The following INVS variants were observed in gnomAD, a reference collection of about 807,000 sequenced individuals.
The protein encoded by INVS is inversion of embryo turning homolog.
A neutral mutation model predicts 108.8 loss-of-function variants in INVS; 86 were observed. The observed-to-expected ratio is 0.79, with a 90% CI of 0.66 to 0.95. The LOEUF (loss-of-function observed/expected upper bound fraction) is 0.95, where lower values mean the gene tolerates loss of function less well. INVS is among the 40% of genes least tolerant of loss of function. The pLI is 0.00. For missense variants in INVS, 1,169 were observed against 1,297.4 expected (o/e 0.90, Z 1.52); for synonymous variants, 455 against 473.5 (o/e 0.96, Z 0.51).
chr9:100,222,201 T>G (rs879550365), intron 3 of INVS, among the ~76,000 whole-genome samples: 5 of 152,226 alleles, frequency 3.3e-5, no homozygotes, highest in Admixed American at 3.3e-4. Context: ...TACTACACAC[T>G]GGAAAACTAT....
intron 3 of INVS, among the ~76,000 whole-genome samples, chr9:100,198,411 C>T (rs544740346): frequency 3.3e-5 from 5 of 150,022 alleles, no homozygotes; most frequent in African/African-American, 1.2e-4. Flanking sequence ...GATTCTCCTG[C>T]CTCCAAAGTA....
chr9:100,275,659 T>A (rs889979684), intron 12 of INVS, among the ~76,000 whole-genome samples: 10 of 152,166 alleles, frequency 6.6e-5, no homozygotes, highest in Non-Finnish European at 1.3e-4. Context: ...CCTTTCCCAG[T>A]TTATTATGTT....
chr9:100,224,337 C>T (rs1169688975), intron 3 of INVS, among the ~76,000 whole-genome samples: 1 of 152,170 alleles, frequency 6.6e-6, no homozygotes, highest in Non-Finnish European at 1.5e-5. Context: ...TCCTGCCTGC[C>T]ATTATCCTCT....
intron 12 of INVS, among the ~76,000 whole-genome samples, chr9:100,276,727 T>G (rs1431632647): frequency 2.0e-5 from 3 of 152,210 alleles, no homozygotes; most frequent in South Asian, 4.1e-4. Context: ...TAGGCTGGTG[T>G]CAAACTCCTG....
intron 12 of INVS, among the ~76,000 whole-genome samples, chr9:100,281,236 A>G (rs1279640750): frequency 1.3e-5 from 2 of 152,228 alleles, no homozygotes; most frequent in African/African-American, 2.4e-5. Context: ...GTAGTTTACC[A>G]TGCAGCCTTG....
intron 2 of INVS, chr9:100,117,091 A>C: frequency 8.4e-7 from 1 of 1,192,964 alleles, no homozygotes; most frequent in East Asian, 2.5e-5. Flanking sequence ...TCACCTTGCA[A>C]GGGACGGTGT....
rs1408018490 is a variant in INVS at position 100,292,497 on chromosome 9, G to A, written c.2240G>A (p.Cys747Tyr). 2 of 1,614,182 alleles carry A rather than the reference G, an allele frequency of 1.2e-6. No individual in the cohort carries two copies. The highest frequency in any genetic ancestry group is 2.2e-5 in the East Asian group (1 of 44,876). Residue 747 changes from cysteine (C) to tyrosine (Y), a missense_variant, in exon 14 of 17, where the codon TGT (cysteine) becomes TAT (tyrosine). Cys to Tyr is a radical substitution (Grantham distance 194, BLOSUM62 -2). Coordinates refer to ENST00000262457, the MANE Select transcript of INVS (RefSeq NM_014425.5). ...KGKGFVKQPS[C>Y]IRVAGPDEKG... The stretch of plus-strand genomic sequence containing the variant: ...AAAGGCTTCGTGAAGCAGCCCTCCT[G>A]TATCAGGGTGGCTGGGCCTGATGAG...
intron 3 of INVS, chr9:100,131,014 T>G (rs1828040822): frequency 6.6e-6 from 1 of 152,198 alleles, no homozygotes; most frequent in South Asian, 2.1e-4. Flanking sequence ...TTTTTGTGTG[T>G]GTGTGATAGT....
At chr9:100,277,164 C>A (rs1306170996) in intron 12 of INVS, among the ~76,000 whole-genome samples, 1 of 152,212 alleles carries the variant, frequency 6.6e-6, no homozygotes, top group African/African-American at 2.4e-5. Context: ...CTCTGTCTAG[C>A]AAAAGTTCTT....
At chr9:100,198,715 C>A (rs1245839413) in intron 3 of INVS, among the ~76,000 whole-genome samples, 1 of 151,836 alleles carries the variant, frequency 6.6e-6, no homozygotes, top group Non-Finnish European at 1.5e-5. Flanking sequence ...GCCTCAGCCT[C>A]CCGTGTAGCT....
intron 3 of INVS, among the ~76,000 whole-genome samples, chr9:100,214,326 GGC>G (rs1416689091): frequency 6.6e-6 from 1 of 152,142 alleles, no homozygotes; most frequent in Non-Finnish European, 1.5e-5. Flanking sequence ...AGTTACAGGA[GGC>G]GCTAGATTAC....
At chr9:100,134,809 T>A (rs1432894389) in intron 3 of INVS, among the ~76,000 whole-genome samples, 1 of 152,216 alleles carries the variant, frequency 6.6e-6, no homozygotes, top group Non-Finnish European at 1.5e-5. Context: ...AATGAGTAGC[T>A]AAATTGTGAT....
rs139158162 is a variant in INVS, at chr9:100,245,373, G to A, written c.907-1243G>A. On this transcript the variant is annotated intron_variant, in intron 7 of 16. Transcript: ENST00000262457. ...CGGCTCACTGCAACCTCCGTCTCCC[G>A]GGTTCAATCAATTCCCCTGCCTCAA... Among the ~76,000 whole-genome samples, 4 of 152,166 alleles carry A rather than the reference G, an allele frequency of 2.6e-5. No individual in the cohort carries two copies. In the East Asian group the frequency reaches 5.8e-4, roughly 22 times the overall value.
intron 3 of INVS, among the ~76,000 whole-genome samples, chr9:100,208,415 C>T (rs1830737745): frequency 6.6e-6 from 1 of 152,180 alleles, no homozygotes; most frequent in Non-Finnish European, 1.5e-5. Flanking sequence ...TTAGTATAAT[C>T]GAATTTACTT....
chr9:100,185,588 GT>G (rs1377687311), intron 3 of INVS, among the ~76,000 whole-genome samples: 24 of 136,802 alleles, frequency 1.8e-4, no homozygotes, highest in Non-Finnish European at 3.2e-4. Context: ...AGTGCAAGTG[GT>G]TTTTGGTTAC....
Position 100,229,698 on chromosome 9 carries a change from T to G in INVS, c.486T>G (p.Pro162=), listed in dbSNP as rs1396770993. 1.9e-6 allele frequency: 3 copies of G among 1,614,132 alleles called. No individual in the cohort carries two copies. Among genetic ancestry groups the G allele is most frequent in the Non-Finnish European group, 1.7e-6 (2 of 1,180,000 alleles). The change falls in exon 5 of 17, where the codon CCT becomes CCG. Residue 162 remains proline, a synonymous_variant. Coordinates refer to ENST00000262457, the MANE Select transcript of INVS (RefSeq NM_014425.5). ...ALHWSAYYNN[P]EHVKLLIKHD... is the part of the protein sequence containing the mutation. ...ATTGGAGTGCCTACTACAATAACCC[T>G]GAGCATGTGAAGCTGCTCATCAAGC...
intron 2 of INVS, among the ~76,000 whole-genome samples, chr9:100,114,144 T>C (rs1460565486): frequency 6.6e-6 from 1 of 152,204 alleles, no homozygotes; most frequent in Admixed American, 6.5e-5. Flanking sequence ...CCCTTGTTCG[T>C]ATACAGTTAT....
At chr9:100,168,491 T>G (rs1284557109) in intron 3 of INVS, among the ~76,000 whole-genome samples, 2 of 152,222 alleles carry the variant, frequency 1.3e-5, no homozygotes, top group Non-Finnish European at 2.9e-5. Flanking sequence ...CAGAGCAGCC[T>G]CGACAGGGAA....
At chr9:100,179,247 C>G (rs1240481938) in intron 3 of INVS, among the ~76,000 whole-genome samples, 1 of 152,082 alleles carries the variant, frequency 6.6e-6, no homozygotes, top group East Asian at 1.9e-4. Flanking sequence ...GCAAAATAAC[C>G]AGGTAGCATC....
Sources: allele counts gnomAD v4.1 joint callset (sites outside exome capture counted in the v4.1 genomes callset), GRCh38; gene constraint gnomAD v4.1.1; transcripts MANE v1.5; gene names NCBI Gene and HGNC (gene_info 2026-07-23, HGNC 2026-07-21).